MLLT6: variants seen among roughly 807,000 people sequenced by gnomAD.
The protein encoded by MLLT6 is MLLT6, PHD finger containing.
In MLLT6, 22 loss-of-function variants were observed where a neutral mutation model predicts 103.0. That is an observed-to-expected ratio of 0.21 (90% confidence interval 0.15 to 0.31). The LOEUF (loss-of-function observed/expected upper bound fraction) is 0.31, where lower values mean the gene tolerates loss of function less well. Ranked by LOEUF, MLLT6 falls within the 10% of genes least tolerant of loss-of-function variation. MLLT6 has a pLI of 1.00. For missense variants in MLLT6, 1,199 were observed against 1,441.7 expected, an observed-to-expected ratio of 0.83 and a Z score of 2.73; for synonymous variants, 606 against 623.5, an observed-to-expected ratio of 0.97 and a Z score of 0.42.
chr17:38,708,171 G>A, intron 4 of MLLT6: 1 of 434,070 alleles, frequency 2.3e-6, no homozygotes, highest in Non-Finnish European at 4.2e-6. Flanking sequence ...GCCAGACCTG[G>A]TGCAAGGTAG....
chr17:38,709,597 A>C lies in MLLT6; in HGVS notation c.552+22A>C. ...GATGGTGAGTCCTGGCGACCAGCGC[A>C]TGAGCGGGTCAGTCAGCTGTGGTAA... On this transcript the variant is annotated intron_variant, in intron 6 of 19. Transcript: ENST00000621332. The surrounding 1 kb of genome is among the most constrained non-coding windows in gnomAD (Gnocchi z 4.3). The C allele has an allele frequency of 1.3e-6, 2 of 1,586,304 alleles. No homozygotes were observed. Among genetic ancestry groups the C allele is most frequent in the Non-Finnish European group, 1.7e-6 (2 of 1,155,194 alleles).
chr17:38,709,087 G>A lies in MLLT6; in HGVS notation c.355-86G>A, dbSNP rs947297555. 11 of 958,810 alleles carry A rather than the reference G, an allele frequency of 1.1e-5. No homozygotes were observed. Among genetic ancestry groups the A allele is most frequent in the African/African-American group, 1.6e-5 (1 of 61,384 alleles). The allele number at this position is 958,810 out of a possible 1,614,324, so 59.4% of individuals were successfully genotyped here. A position where few individuals can be genotyped will look rare whatever the true frequency, so the allele number is the denominator to read the frequency against. ...TAGCACTGATCTAAGACTGTAGAGA[G>A]CAAATGGAATGGAGGGGGTGGCCTA... On this transcript the variant is annotated intron_variant, in intron 4 of 19. Transcript: ENST00000621332. This position sits in a 1 kb window ranked among gnomAD's most constrained non-coding sequence, Gnocchi z 4.3.
In MLLT6 at chr17:38,724,722, C is replaced by G. The variant is rs1358241021; in HGVS notation, c.2986C>G (p.Leu996Val). The change falls in exon 19 of 20, where the codon CTG becomes GTG. Residue 996 changes from leucine (L) to valine (V), a missense_variant. By Grantham distance (32) the Leu-to-Val change is conservative. Transcript: ENST00000621332. This position sits in a 1 kb window ranked among gnomAD's most constrained non-coding sequence, Gnocchi z 5.4. ...GGGCTCCCAGCTGCCCATGGCCAGCCTGCTGGCAGGAAGCTCCACCCCGCT... is the reference window on the plus strand; with the variant it reads ...GGGCTCCCAGCTGCCCATGGCCAGCGTGCTGGCAGGAAGCTCCACCCCGCT... ...AGGSQLPMAS[L>V]LAGSSTPLLS... 6.2e-7 allele frequency: 1 copy of G among 1,612,648 alleles called. No homozygotes were observed. Among genetic ancestry groups the G allele is most frequent in the Admixed American group, 1.7e-5 (1 of 59,902 alleles).
chr17:38,726,747 G>C lies in MLLT6; in HGVS notation c.*1149G>C. ...GGAGCCCCAGGGCTTGGGGGAGGGC[G>C]TAAGGTGGGGGGAAATGCCACTGCT... On this transcript the variant is annotated 3_prime_UTR_variant, in exon 20 of 20. Coordinates refer to ENST00000621332, the MANE Select transcript of MLLT6 (RefSeq NM_005937.4). 4.3e-6 allele frequency: 1 copy of C among 233,574 alleles called. No homozygotes were observed. Among genetic ancestry groups the C allele is most frequent in the African/African-American group, 2.2e-5 (1 of 45,486 alleles). 14.5% of individuals were successfully genotyped at this position (233,574 alleles called of 1,614,324 possible).
chr17:38,706,775 C>G, intron 1 of MLLT6, 175 bp from the exon 2 acceptor site: 1 of 479,226 alleles, frequency 2.1e-6, no homozygotes. Flanking sequence ...TGGTTGAAGG[C>G]TGGTGTTGGG....
At chr17:38,710,685 A>G (rs1905113713) in intron 6 of MLLT6, among the ~76,000 whole-genome samples, 1 of 151,988 alleles carries the variant, frequency 6.6e-6, no homozygotes, top group South Asian at 2.1e-4. Flanking sequence ...TGCCATGAAC[A>G]AGGGGTACAG....
At chr17:38,711,232 C>T (rs1431102243) in intron 6 of MLLT6, among the ~76,000 whole-genome samples, 1 of 152,038 alleles carries the variant, frequency 6.6e-6, no homozygotes, top group African/African-American at 2.4e-5. Context: ...ATGGGGGAGG[C>T]AGGCCCTGGC....
At chr17:38,717,710 G>A in intron 11 of MLLT6, 97 bp downstream of exon 11, 7 of 1,460,730 alleles carry the variant, frequency 4.8e-6, no homozygotes, top group East Asian at 2.3e-5. Flanking sequence ...CAACTGGGCT[G>A]AGTTGCCATC....
In MLLT6 at chr17:38,727,545, G is replaced by A. The variant is rs185038134; in HGVS notation, c.*1947G>A. 9.8e-4 allele frequency: 200 copies of A among 203,690 alleles called. 2 individuals carry two copies. The highest frequency in any genetic ancestry group is 6.3e-3 in the Admixed American group (105 of 16,726). The allele number at this position is 203,690 out of a possible 1,614,324, so 12.6% of individuals were successfully genotyped here. A position where few individuals can be genotyped will look rare whatever the true frequency, so the allele number is the denominator to read the frequency against. ...AGGCCAGGCGCGGTGGCTCACGCCTGTAATCCCAACACTTTGGGAGGCTGA... is the reference window on the plus strand; with the variant it reads ...AGGCCAGGCGCGGTGGCTCACGCCTATAATCCCAACACTTTGGGAGGCTGA... On this transcript the variant is annotated 3_prime_UTR_variant, in exon 20 of 20. Transcript: ENST00000621332.
chr17:38,707,102 G>T (rs930717648), intron 2 of MLLT6, 73 bp downstream of exon 2: 29 of 1,355,182 alleles, frequency 2.1e-5, no homozygotes, highest in Non-Finnish European at 2.9e-5. Flanking sequence ...TGAGCTAGGG[G>T]ACTCTGAGGC....
At position 38,716,666 on chromosome 17, in the gene MLLT6, C is replaced by T; in HGVS notation, c.1336C>T (p.Pro446Ser). 6.2e-7 allele frequency: 1 copy of T among 1,613,328 alleles called. No homozygotes were observed. The highest frequency in any genetic ancestry group is 1.1e-5 in the South Asian group (1 of 91,018). ...CTCGGCAGGCACCCACAAACGGATGCCCGCACTGAGTGCCACCCCTGTGCC... is the reference window on the plus strand; with the variant it reads ...CTCGGCAGGCACCCACAAACGGATGTCCGCACTGAGTGCCACCCCTGTGCC... ...GASAGTHKRM[P>S]ALSATPVPAD... is the part of the protein sequence containing the mutation. Residue 446 changes from proline to serine, a missense_variant, in exon 10 of 20, where the codon CCC becomes TCC. Transcript: ENST00000621332. This position sits in a 1 kb window ranked among gnomAD's most constrained non-coding sequence, Gnocchi z 5.6.
In MLLT6 at chr17:38,716,885, C is replaced by G. The variant is rs746793423; in HGVS notation, c.1555C>G (p.Leu519Val). The stretch of plus-strand genomic sequence containing the variant: ...TGCCTCACCCTTCTCTGGAGGTTCC[C>G]TGGTCAGCTCCGGCCTGGGAGGTCT... ...TAASPFSGGS[L>V]VSSGLGGLSS... Residue 519 changes from leucine (L) to valine (V), a missense_variant, in exon 10 of 20, where the codon CTG (leucine) becomes GTG (valine). Physicochemically the swap from Leu to Val is conservative, Grantham distance 32 (BLOSUM62 1). This residue lies in a region of MLLT6 where 1,034 missense variants were observed against 1,091.5 expected (regional missense o/e 0.95). Transcript: ENST00000621332. The surrounding 1 kb of genome is among the most constrained non-coding windows in gnomAD (Gnocchi z 5.6). 6.2e-7 allele frequency: 1 copy of G among 1,613,674 alleles called. No individual in the cohort carries two copies. The highest frequency in any genetic ancestry group is 8.5e-7 in the Non-Finnish European group (1 of 1,179,834).
Position 38,722,777 on chromosome 17 carries a change from C to T in MLLT6, c.2883+9C>T, listed in dbSNP as rs1390477104. ...CCCCGCAGCTGACCCCGGTAATGCC[C>T]CTCCCTTCCCTGCCTCAGGTGCCCC... On this transcript the variant is annotated intron_variant, in intron 18 of 19. Coordinates refer to ENST00000621332, the MANE Select transcript of MLLT6 (RefSeq NM_005937.4). The T allele has an allele frequency of 6.2e-7, 1 of 1,602,196 alleles. No individual in the cohort carries two copies. The highest frequency in any genetic ancestry group is 2.2e-5 in the East Asian group (1 of 44,778).
Position 38,719,801 on chromosome 17 carries a change from C to A in MLLT6, c.2061C>A (p.Pro687=). The change falls in exon 14 of 20, where the codon CCC becomes CCA. Residue 687 remains proline, a synonymous_variant. Transcript: ENST00000621332. ...TCTTCGACCAGACAGCCTCTGCACC[C>A]TGTGGGGGCGGCCAGTTAGACCCGG... ...PALFDQTASA[P]CGGGQLDPAA... 1 of 1,613,442 alleles carries A rather than the reference C, an allele frequency of 6.2e-7. No individual in the cohort carries two copies. The highest frequency in any genetic ancestry group is 8.5e-7 in the Non-Finnish European group (1 of 1,179,848).
rs542733797 is a variant in MLLT6 at position 38,719,684 on chromosome 17, C to T, written c.2010-66C>T. On this transcript the variant is annotated intron_variant, in intron 13 of 19. Coordinates refer to ENST00000621332, the MANE Select transcript of MLLT6 (RefSeq NM_005937.4). ...CGTGGGCTGGAACCCCTGGGGGATA[C>T]GGGAGAAGGGCCAGAGGAGCCTGGA... The T allele has an allele frequency of 5.0e-5, 79 of 1,574,894 alleles. No individual in the cohort carries two copies. In the African/African-American group the frequency reaches 7.4e-4, roughly 15 times the overall value.
In MLLT6 at chr17:38,715,803, C is replaced by T. The variant is rs1180246286; in HGVS notation, c.1011C>T (p.Ser337=). 2 of 1,602,218 alleles carry T rather than the reference C, an allele frequency of 1.2e-6. No individual in the cohort carries two copies. The highest frequency in any genetic ancestry group is 1.3e-5 in the African/African-American group (1 of 74,864). ...CTTCTTCCTCCTCCTCTTCCTCCTC[C>T]TCTGGGGGGCCCTTCCAGCCTGCAG... ...ASSSSSSSSS[S]SGGPFQPAVS... is the part of the protein sequence containing the mutation. The change falls in exon 9 of 20, where the codon TCC becomes TCT. Residue 337 remains serine (S), a synonymous_variant. Coordinates refer to ENST00000621332, the MANE Select transcript of MLLT6 (RefSeq NM_005937.4).
In MLLT6 at chr17:38,716,750, A is replaced by C; in HGVS notation, c.1420A>C (p.Ser474Arg). ...GAAGAAGCACAAAGCCAGCAAGAGG[A>C]GCCGCCATGGGCCAGGCCGTCCCAA... ...KEKKHKASKR[S>R]RHGPGRPKGS... Residue 474 changes from serine to arginine, a missense_variant, in exon 10 of 20, where the codon AGC (serine) becomes CGC (arginine). Transcript: ENST00000621332. The surrounding 1 kb of genome is among the most constrained non-coding windows in gnomAD (Gnocchi z 5.6). 6.2e-7 allele frequency: 1 copy of C among 1,608,656 alleles called. No individual in the cohort carries two copies. Among genetic ancestry groups the C allele is most frequent in the Non-Finnish European group, 8.5e-7 (1 of 1,177,730 alleles).
In MLLT6 at chr17:38,722,759, G is replaced by A; in HGVS notation, c.2874G>A (p.Gln958=). The A allele has an allele frequency of 1.3e-6, 2 of 1,591,044 alleles. No individual in the cohort carries two copies. Among genetic ancestry groups the A allele is most frequent in the South Asian group, 1.1e-5 (1 of 90,686 alleles). The change falls in exon 18 of 20, where the codon CAG becomes CAA. Residue 958 remains glutamine (Q), a synonymous_variant. Transcript: ENST00000621332. Reference sequence around the variant, plus strand: ...TCCAGCAGCTCCTGGCCTCCCCGCAGCTGACCCCGGTAATGCCCCTCCCTT... The same window carrying A: ...TCCAGCAGCTCCTGGCCTCCCCGCAACTGACCCCGGTAATGCCCCTCCCTT... ...QQLQQLLASP[Q]LTPEHQTVVY...
chr17:38,720,300 G>T, intron 14 of MLLT6, 72 bp from the exon 15 acceptor site: 1 of 726,392 alleles, frequency 1.4e-6, no homozygotes, highest in Non-Finnish European at 2.2e-6. Flanking sequence ...TCCCCTCCAG[G>T]CCCCGCCCCC....
Sources: gnomAD v4.1 joint callset for allele counts (sites outside exome capture counted in the v4.1 genomes callset) on GRCh38, gnomAD v4.1.1 for gene constraint, gnomAD v4.1.1 regional missense constraint, Gnocchi (gnomAD v3.1) non-coding constraint, MANE v1.5 for transcripts, NCBI Gene and HGNC (gene_info 2026-07-23, HGNC 2026-07-21) for gene names.